Variants in UVRAG observed in about 807,000 individuals in gnomAD.
UVRAG encodes the protein UV radiation resistance associated.
A neutral mutation model predicts 78.0 loss-of-function variants in UVRAG; 19 were observed. That is an observed-to-expected ratio of 0.24 (90% CI 0.17 to 0.36). UVRAG has a LOEUF of 0.36. Ranked by LOEUF, UVRAG falls within the 10% of genes least tolerant of loss-of-function variation. The pLI is 1.00. For synonymous variants in UVRAG, 323 were observed against 324.6 expected, an observed-to-expected ratio of 1.00 and a Z score of 0.05; for missense variants, 740 against 853.8, an observed-to-expected ratio of 0.87 and a Z score of 1.66.
chr11:75,880,672 A>T (rs1946920825), intron 4 of UVRAG, among the ~76,000 whole-genome samples: 1 of 152,092 alleles, frequency 6.6e-6, no homozygotes, highest in African/African-American at 2.4e-5. Context: ...CTCCTGCCTC[A>T]GCCTCACAAG....
intron 12 of UVRAG, among the ~76,000 whole-genome samples, chr11:76,046,981 T>G (rs1475683494): frequency 6.6e-6 from 1 of 152,220 alleles, no homozygotes; most frequent in African/African-American, 2.4e-5. Context: ...AAAAAAACAT[T>G]GATTTTTAAG....
At chr11:76,138,318 A>G (rs1229544086) in intron 14 of UVRAG, among the ~76,000 whole-genome samples, 2 of 152,104 alleles carry the variant, frequency 1.3e-5, no homozygotes, top group African/African-American at 4.8e-5. Flanking sequence ...ATGACCCACC[A>G]CCTGCCTATC....
intron 4 of UVRAG, among the ~76,000 whole-genome samples, chr11:75,883,543 C>A (rs1193547774): frequency 6.6e-6 from 1 of 151,976 alleles, no homozygotes; most frequent in Non-Finnish European, 1.5e-5. Flanking sequence ...GAACATGAGG[C>A]TAAGATGTTT....
chr11:75,829,514 A>G (rs1226701333), intron 1 of UVRAG, among the ~76,000 whole-genome samples: 1 of 152,210 alleles, frequency 6.6e-6, no homozygotes. Flanking sequence ...TTAAAGTTGC[A>G]CAAATGTGAA....
At chr11:76,043,873 C>T (rs1177866883) in intron 12 of UVRAG, among the ~76,000 whole-genome samples, 1 of 152,146 alleles carries the variant, frequency 6.6e-6, no homozygotes, top group Non-Finnish European at 1.5e-5. Context: ...TCTTTGTCAC[C>T]TTAACCCTGG....
At chr11:75,984,479 A>G (rs1197999502) in intron 8 of UVRAG, among the ~76,000 whole-genome samples, 2 of 152,192 alleles carry the variant, frequency 1.3e-5, no homozygotes, top group Admixed American at 1.3e-4. Flanking sequence ...TGTATTAAAT[A>G]CATTTTCAAT....
intron 1 of UVRAG, among the ~76,000 whole-genome samples, chr11:75,840,378 GT>G (rs1160140392): frequency 2.0e-5 from 3 of 152,000 alleles, no homozygotes; most frequent in Non-Finnish European, 4.4e-5. Flanking sequence ...GGATCTACCT[GT>G]TTCTTAGAGT....
intron 13 of UVRAG, among the ~76,000 whole-genome samples, chr11:76,098,101 G>A (rs1157323751): frequency 2.0e-5 from 3 of 151,650 alleles, no homozygotes; most frequent in Non-Finnish European, 4.4e-5. Context: ...TTCTAGACAC[G>A]CTTGAATCAG....
At chr11:75,925,787 A>G (rs1175891807) in intron 6 of UVRAG, among the ~76,000 whole-genome samples, 3 of 152,204 alleles carry the variant, frequency 2.0e-5, no homozygotes, top group Non-Finnish European at 4.4e-5. Context: ...AAAAGTTAGC[A>G]TACATCTTTT....
intron 3 of UVRAG, among the ~76,000 whole-genome samples, chr11:75,863,126 G>T (rs1053520510): frequency 6.6e-6 from 1 of 152,144 alleles, no homozygotes; most frequent in Non-Finnish European, 1.5e-5. Flanking sequence ...AGCTGTCTTT[G>T]AAATGTCTCT....
At chr11:76,111,378 G>A (rs1437234296) in intron 13 of UVRAG, among the ~76,000 whole-genome samples, 1 of 152,120 alleles carries the variant, frequency 6.6e-6, no homozygotes, top group Non-Finnish European at 1.5e-5. Context: ...TAGGTTGACA[G>A]TCTATAGAAA....
chr11:75,890,495 A>T (rs1947191861), intron 5 of UVRAG, among the ~76,000 whole-genome samples: 1 of 152,202 alleles, frequency 6.6e-6, no homozygotes, highest in Non-Finnish European at 1.5e-5. Context: ...AGATGAAGTA[A>T]CTGGATGGAT....
rs866365662 is a variant in UVRAG, at chr11:76,078,066, C to T, written c.1305+12278C>T. On this transcript the variant is annotated intron_variant, in intron 13 of 14. Coordinates refer to ENST00000356136, the MANE Select transcript of UVRAG (RefSeq NM_003369.4). Reference sequence around the variant, plus strand: ...GTGCTAGCTAGTTCAGAGAGGATGGCATATAAATTCTCACTATACTTTTTA... The same window carrying T: ...GTGCTAGCTAGTTCAGAGAGGATGGTATATAAATTCTCACTATACTTTTTA... Among the ~76,000 whole-genome samples the T allele has an allele frequency of 1.1e-4, 17 of 152,222 alleles. No individual in the cohort carries two copies. In the South Asian group the frequency reaches 3.3e-3, roughly 30 times the overall value.
At chr11:76,134,941 G>A (rs749802025) in intron 14 of UVRAG, among the ~76,000 whole-genome samples, 2 of 152,092 alleles carry the variant, frequency 1.3e-5, no homozygotes, top group South Asian at 2.1e-4. Flanking sequence ...GAGGGTGAGC[G>A]AGCATTACCC....
chr11:75,832,407 T>C (rs1945678621), intron 1 of UVRAG, among the ~76,000 whole-genome samples: 1 of 152,196 alleles, frequency 6.6e-6, no homozygotes, highest in Admixed American at 6.5e-5. Flanking sequence ...TTAGAATGGC[T>C]CACAGAACTC....
chr11:76,054,371 C>A (rs1713890132), intron 12 of UVRAG, among the ~76,000 whole-genome samples: 1 of 152,180 alleles, frequency 6.6e-6, no homozygotes, highest in Non-Finnish European at 1.5e-5. Flanking sequence ...TAAATTTTTG[C>A]AGTAGCCTCC....
chr11:75,826,012 A>G (rs1011269894), intron 1 of UVRAG, among the ~76,000 whole-genome samples: 1 of 151,102 alleles, frequency 6.6e-6, no homozygotes, highest in Non-Finnish European at 1.5e-5. Flanking sequence ...AATTTTTGTA[A>G]TTTTAGTAGA....
In UVRAG at chr11:75,983,475, C is replaced by T. The variant is rs1327908746; in HGVS notation, c.788C>T (p.Ala263Val). Residue 263 changes from alanine (A) to valine (V), a missense_variant, in exon 8 of 15, where the codon GCA becomes GTA. Coordinates refer to ENST00000356136, the MANE Select transcript of UVRAG (RefSeq NM_003369.4). ...AAGAAAGCTTTGGGACGGGAGGTGGCATTACTGCATAAGCAACAAATTGCA... is the reference window on the plus strand; with the variant it reads ...AAGAAAGCTTTGGGACGGGAGGTGGTATTACTGCATAAGCAACAAATTGCA... ...RQKKALGREV[A>V]LLHKQQIALQ... is the part of the protein sequence containing the mutation. 6.2e-7 allele frequency: 1 copy of T among 1,610,226 alleles called. No individual in the cohort carries two copies. Among genetic ancestry groups the T allele is most frequent in the Admixed American group, 1.7e-5 (1 of 59,852 alleles).
At chr11:76,032,385 T>C (rs1950451871) in intron 12 of UVRAG, among the ~76,000 whole-genome samples, 1 of 152,162 alleles carries the variant, frequency 6.6e-6, no homozygotes, top group Non-Finnish European at 1.5e-5. Context: ...GATCAATTAG[T>C]TTTTAATAGT....
Sources: allele counts gnomAD v4.1 joint callset (sites outside exome capture counted in the v4.1 genomes callset), GRCh38; gene constraint gnomAD v4.1.1; transcripts MANE v1.5; gene names NCBI Gene and HGNC (gene_info 2026-07-23, HGNC 2026-07-21).